The following LRRC4C variants were observed in gnomAD, a reference collection of about 807,000 sequenced individuals.
The protein encoded by LRRC4C is leucine-rich repeat-containing protein 4C.
In LRRC4C, 5 loss-of-function variants were observed where a neutral mutation model predicts 33.6. That is an observed-to-expected ratio of 0.15 (90% confidence interval 0.08 to 0.31). The LOEUF (loss-of-function observed/expected upper bound fraction) is 0.31, where lower values mean the gene tolerates loss of function less well. Among genes scored for constraint, LRRC4C ranks in the 10% least tolerant of loss-of-function variants. The pLI is 1.00. For synonymous variants in LRRC4C, 329 were observed against 302.0 expected (o/e 1.09, Z -0.93); for missense variants, 560 against 796.7 (o/e 0.70, Z 3.58).
rs781337969 is a variant in LRRC4C, at chr11:41,451,738, C to G, written c.-496+7693G>C. Among the ~76,000 whole-genome samples the G allele has an allele frequency of 9.2e-5, 14 of 152,126 alleles. 1 individual carries two copies. The highest frequency in any genetic ancestry group is 3.3e-4 in the Admixed American group (5 of 15,248). ...ATTTTAAACTATTTTTATATCTGCT[C>G]TTACTTGGGCACTGGAATCAGAACA... On this transcript the variant is annotated intron_variant, in intron 1 of 6. Transcript: ENST00000528697.
chr11:40,322,342 T>C (rs1945891324), intron 3 of LRRC4C, among the ~76,000 whole-genome samples: 1 of 151,922 alleles, frequency 6.6e-6, no homozygotes, highest in Non-Finnish European at 1.5e-5. Context: ...GCCTCCTGGG[T>C]TCAAGGGATC....
chr11:41,140,028 G>A (rs1299315090), intron 1 of LRRC4C, among the ~76,000 whole-genome samples: 2 of 152,158 alleles, frequency 1.3e-5, no homozygotes, highest in African/African-American at 4.8e-5. Context: ...AGTGAAAATA[G>A]TCCCGGTTTC....
At chr11:40,177,989 T>C (rs929298866) in intron 5 of LRRC4C, among the ~76,000 whole-genome samples, 2 of 152,154 alleles carry the variant, frequency 1.3e-5, no homozygotes, top group Non-Finnish European at 2.9e-5. Flanking sequence ...AGGAGGTGCA[T>C]ATGGCTTGCT....
intron 1 of LRRC4C, among the ~76,000 whole-genome samples, chr11:41,290,310 T>C (rs1207488174): frequency 6.6e-6 from 1 of 152,220 alleles, no homozygotes; most frequent in Non-Finnish European, 1.5e-5. Context: ...TGCCTTTCTA[T>C]ACAAGTTTGT....
intron 2 of LRRC4C, among the ~76,000 whole-genome samples, chr11:40,664,353 T>C (rs1429132451): frequency 6.6e-6 from 1 of 152,162 alleles, no homozygotes; most frequent in Non-Finnish European, 1.5e-5. Flanking sequence ...GAGACCAGCC[T>C]GGCCAACATG....
chr11:40,513,293 C>T (rs949099932), intron 3 of LRRC4C, among the ~76,000 whole-genome samples: 4 of 150,706 alleles, frequency 2.7e-5, no homozygotes, highest in African/African-American at 9.8e-5. Flanking sequence ...AAAATCCACT[C>T]TAACAATTCT....
At chr11:40,443,318 G>T (rs2137988511) in intron 3 of LRRC4C, among the ~76,000 whole-genome samples, 1 of 152,306 alleles carries the variant, frequency 6.6e-6, no homozygotes, top group South Asian at 2.1e-4. Flanking sequence ...AAAAATTTCT[G>T]TGGCGGCGCT....
chr11:41,399,784 G>T (rs992420153), intron 1 of LRRC4C, among the ~76,000 whole-genome samples: 1 of 151,922 alleles, frequency 6.6e-6, no homozygotes, highest in African/African-American at 2.4e-5. Context: ...GATTCTTAAT[G>T]ACTAATTTTT....
chr11:40,426,896 C>G (rs778097382), intron 3 of LRRC4C, among the ~76,000 whole-genome samples: 1 of 152,186 alleles, frequency 6.6e-6, no homozygotes, highest in Non-Finnish European at 1.5e-5. Context: ...CCATTTCTAG[C>G]AGCAGATTCT....
rs547167050 is a variant in LRRC4C at position 41,214,575 on chromosome 11, C to CAAA, written c.-496+244853_-496+244855dup. 9.1e-3 allele frequency among the ~76,000 whole-genome samples: 316 copies of CAAA among 34,746 alleles called. 17 individuals are homozygous for CAAA. The highest frequency in any genetic ancestry group is 0.035 in the African/African-American group (293 of 8,416). 22.8% of individuals were successfully genotyped at this position (34,746 alleles called of 152,430 possible). ...TGAAACCCCGTCTCTACTAAAAATA[C>CAAA]AAAAAAAAAAAAAAAAAAAAAAAAA... On this transcript the variant is annotated intron_variant, in intron 1 of 6. Coordinates refer to ENST00000528697, the MANE Select transcript of LRRC4C (RefSeq NM_001258419.2).
At chr11:41,413,010 T>C (rs996256909) in intron 1 of LRRC4C, among the ~76,000 whole-genome samples, 1 of 152,142 alleles carries the variant, frequency 6.6e-6, no homozygotes, top group Non-Finnish European at 1.5e-5. Flanking sequence ...TTTATTGTTC[T>C]GATTGGCATG....
At chr11:41,015,788 T>C (rs113533498) in intron 1 of LRRC4C, among the ~76,000 whole-genome samples, 1,833 of 152,276 alleles carry the variant, frequency 0.012, 39 homozygotes, top group African/African-American at 0.042. Context: ...TCAGAAACTT[T>C]CTTGTTTGCA....
chr11:40,711,728 A>AC (rs955013052), intron 2 of LRRC4C, among the ~76,000 whole-genome samples: 1 of 151,908 alleles, frequency 6.6e-6, no homozygotes, highest in African/African-American at 2.4e-5. Flanking sequence ...GTTAGAAAAA[A>AC]AAAAAAAAAC....
intron 1 of LRRC4C, among the ~76,000 whole-genome samples, chr11:41,195,171 A>C (rs1013053084): frequency 6.6e-6 from 1 of 152,066 alleles, no homozygotes; most frequent in South Asian, 2.1e-4. Flanking sequence ...TAATTTCCCC[A>C]GGTTTTCTCT....
intron 3 of LRRC4C, among the ~76,000 whole-genome samples, chr11:40,559,455 G>C (rs894542696): frequency 6.6e-6 from 1 of 152,138 alleles, no homozygotes; most frequent in Non-Finnish European, 1.5e-5. Flanking sequence ...AAAGTGCTGG[G>C]ATTACAGGCT....
At chr11:40,882,502 T>G (rs1270658035) in intron 2 of LRRC4C, among the ~76,000 whole-genome samples, 1 of 151,990 alleles carries the variant, frequency 6.6e-6, no homozygotes, top group African/African-American at 2.4e-5. Flanking sequence ...CAGCCTTATG[T>G]CCCAATATAT....
At chr11:41,179,447 C>T (rs1458105334) in intron 1 of LRRC4C, among the ~76,000 whole-genome samples, 1 of 152,164 alleles carries the variant, frequency 6.6e-6, no homozygotes, top group Non-Finnish European at 1.5e-5. Context: ...ATCTGGAAGC[C>T]AATTTCACCG....
At chr11:41,054,619 G>A (rs1253693907) in intron 1 of LRRC4C, among the ~76,000 whole-genome samples, 1 of 152,218 alleles carries the variant, frequency 6.6e-6, no homozygotes, top group Non-Finnish European at 1.5e-5. Context: ...ATTTCAGCGA[G>A]TTTGAAGTTA....
intron 1 of LRRC4C, among the ~76,000 whole-genome samples, chr11:41,316,262 C>CAAAAAAAAAAAAAAAAA (rs60671406): frequency 4.7e-4 from 37 of 77,994 alleles, no homozygotes; most frequent in African/African-American, 5.8e-4. Flanking sequence ...CTCTGGATGG[C>CAAAAAAAAAAAAAAAAA]AAAAAAAAAA....
Sources: gnomAD v4.1 joint callset for allele counts (sites outside exome capture counted in the v4.1 genomes callset) on GRCh38, gnomAD v4.1.1 for gene constraint, MANE v1.5 for transcripts, NCBI Gene and HGNC (gene_info 2026-07-23, HGNC 2026-07-21) for gene names.